SORCS1: variants seen among roughly 807,000 people sequenced by gnomAD.
The protein encoded by SORCS1 is sortilin related VPS10 domain containing receptor 1.
A neutral mutation model predicts 146.1 loss-of-function variants in SORCS1; 60 were observed. The ratio of observed to expected loss-of-function variants is 0.41; its 90% CI spans 0.33 to 0.51. The LOEUF (loss-of-function observed/expected upper bound fraction) is 0.51. SORCS1 is among the 20% of genes least tolerant of loss of function. The pLI is 0.21. For synonymous variants in SORCS1, 637 were observed against 584.0 expected (o/e 1.09, Z -1.31); for missense variants, 1,352 against 1,487.6 (o/e 0.91, Z 1.50).
At chr10:106,863,157 G>A (rs187927732) in intron 2 of SORCS1, among the ~76,000 whole-genome samples, 18 of 152,230 alleles carry the variant, frequency 1.2e-4, no homozygotes, top group Non-Finnish European at 2.2e-4. Flanking sequence ...ATCATACCCA[G>A]CTGAAAACTG....
At chr10:106,949,856 A>G (rs1954581422) in intron 2 of SORCS1, among the ~76,000 whole-genome samples, 2 of 152,214 alleles carry the variant, frequency 1.3e-5, no homozygotes, top group African/African-American at 4.8e-5. Flanking sequence ...CTGCTTTAAG[A>G]GAGTAGACTT....
At chr10:107,076,355 C>T (rs1335524166) in intron 1 of SORCS1, among the ~76,000 whole-genome samples, 1 of 152,072 alleles carries the variant, frequency 6.6e-6, no homozygotes, top group Non-Finnish European at 1.5e-5. Flanking sequence ...ATAGCCCAAA[C>T]ATGTTTGACT....
At chr10:106,728,145 C>T (rs1856337552) in intron 6 of SORCS1, among the ~76,000 whole-genome samples, 1 of 152,030 alleles carries the variant, frequency 6.6e-6, no homozygotes, top group Non-Finnish European at 1.5e-5. Flanking sequence ...GATTATCCTG[C>T]CTCCACCTCC....
chr10:106,825,310 C>T, intron 3 of SORCS1, among the ~76,000 whole-genome samples: 1 of 133,424 alleles, frequency 7.5e-6, no homozygotes, highest in East Asian at 2.2e-4. Context: ...CTCGCTCTGT[C>T]ACCCAGGCTG....
chr10:107,144,753 C>T (rs147659529), intron 1 of SORCS1, among the ~76,000 whole-genome samples: 11 of 152,344 alleles, frequency 7.2e-5, no homozygotes, highest in South Asian at 4.1e-4. Flanking sequence ...TCTCCCCCTT[C>T]GGCACAGCTT....
At chr10:106,640,416 T>G (rs1849000190) in intron 18 of SORCS1, among the ~76,000 whole-genome samples, 1 of 152,264 alleles carries the variant, frequency 6.6e-6, no homozygotes, top group South Asian at 2.1e-4. Flanking sequence ...AATTGAAGTA[T>G]TAAGACAATG....
At chr10:107,148,523 G>C (rs1045133244) in intron 1 of SORCS1, among the ~76,000 whole-genome samples, 1 of 152,156 alleles carries the variant, frequency 6.6e-6, no homozygotes, top group Non-Finnish European at 1.5e-5. Context: ...CAGGTGGTAG[G>C]ACAGATATAG....
chr10:106,960,824 G>A lies in SORCS1; in HGVS notation c.559-4244C>T, dbSNP rs937898959. 1.3e-5 allele frequency among the ~76,000 whole-genome samples: 2 copies of A among 152,124 alleles called. No homozygotes were observed. Among genetic ancestry groups the A allele is most frequent in the Non-Finnish European group, 2.9e-5 (2 of 68,024 alleles). ...CAGGTCAGGTTCTGTGCAGGAATGG[G>A]AGAGGGTCCAAGGGAGTGGGCAAGG... is the stretch of plus-strand genomic sequence containing the variant. On this transcript the variant is annotated intron_variant, in intron 1 of 25. Transcript: ENST00000263054. The surrounding 1 kb of genome is among the most constrained non-coding windows in gnomAD (Gnocchi z 4.4).
At chr10:106,745,912 G>C (rs892965102) in intron 5 of SORCS1, among the ~76,000 whole-genome samples, 5 of 151,952 alleles carry the variant, frequency 3.3e-5, no homozygotes, top group African/African-American at 9.7e-5. Context: ...TGATGAGAAG[G>C]GTACATCATT....
intron 18 of SORCS1, among the ~76,000 whole-genome samples, chr10:106,640,382 A>G: frequency 6.6e-6 from 1 of 152,234 alleles, no homozygotes; most frequent in East Asian, 1.9e-4. Flanking sequence ...AATTTTCCTT[A>G]TTAAGTTTCA....
intron 5 of SORCS1, among the ~76,000 whole-genome samples, chr10:106,745,560 T>G (rs1478849941): frequency 1.3e-5 from 2 of 152,222 alleles, no homozygotes; most frequent in African/African-American, 4.8e-5. Context: ...AAAACGCATG[T>G]TCTCAACGTA....
At chr10:106,936,260 A>C (rs1953710024) in intron 2 of SORCS1, among the ~76,000 whole-genome samples, 1 of 152,100 alleles carries the variant, frequency 6.6e-6, no homozygotes, top group Non-Finnish European at 1.5e-5. Context: ...TCTCATGGGC[A>C]CTCAGTTGCA....
intron 24 of SORCS1, among the ~76,000 whole-genome samples, chr10:106,588,754 C>T (rs1026885651): frequency 1.6e-4 from 23 of 147,620 alleles, no homozygotes; most frequent in Admixed American, 8.3e-4. Context: ...CCAGCTACTC[C>T]GGAGGCTGAG....
At chr10:106,761,261 T>G (rs913003382) in intron 5 of SORCS1, among the ~76,000 whole-genome samples, 2 of 152,200 alleles carry the variant, frequency 1.3e-5, no homozygotes, top group African/African-American at 4.8e-5. Flanking sequence ...CTTTTAATAA[T>G]AAAAAGTCAC....
chr10:106,997,375 A>G (rs529736600), intron 1 of SORCS1, among the ~76,000 whole-genome samples: 38 of 152,270 alleles, frequency 2.5e-4, no homozygotes, highest in African/African-American at 8.9e-4. Context: ...TGCTCCTGAC[A>G]CTTCACTGCT....
chr10:106,894,403 A>G (rs1951382506), intron 2 of SORCS1, among the ~76,000 whole-genome samples: 1 of 152,064 alleles, frequency 6.6e-6, no homozygotes, highest in African/African-American at 2.4e-5. Context: ...TTTTAAAGAC[A>G]TTAGTTCCAA....
intron 3 of SORCS1, among the ~76,000 whole-genome samples, chr10:106,798,845 C>T (rs1946725424): frequency 7.3e-6 from 1 of 136,338 alleles, no homozygotes; most frequent in South Asian, 2.3e-4. Context: ...CATCAAGCTA[C>T]CAATGACTTT....
intron 19 of SORCS1, 22 bp from the exon 20 acceptor site, chr10:106,620,583 G>A: frequency 6.2e-7 from 1 of 1,610,530 alleles, no homozygotes; most frequent in Non-Finnish European, 8.5e-7. Context: ...GAGAAAGAGA[G>A]GCCATGGATG....
rs1951548174 is a variant in SORCS1 at position 106,897,878 on chromosome 10, A to C, written c.626+58635T>G. Among the ~76,000 whole-genome samples the C allele has an allele frequency of 3.3e-5, 5 of 152,240 alleles. No homozygotes were observed. In the South Asian group the frequency reaches 1.0e-3, roughly 31 times the overall value. On this transcript the variant is annotated intron_variant, in intron 2 of 25. Transcript: ENST00000263054. ...AGAATGGAACAAACATTCGGTGTCTAGGCATTTGCTAAACAGCATCCTGAC... is the reference window on the plus strand; with the variant it reads ...AGAATGGAACAAACATTCGGTGTCTCGGCATTTGCTAAACAGCATCCTGAC...
Sources: allele counts gnomAD v4.1 joint callset (sites outside exome capture counted in the v4.1 genomes callset), GRCh38; gene constraint gnomAD v4.1.1; non-coding constraint Gnocchi (gnomAD v3.1); transcripts MANE v1.5; gene names NCBI Gene and HGNC (gene_info 2026-07-23, HGNC 2026-07-21).